Variants in EYS observed in about 807,000 individuals in gnomAD.
The protein encoded by EYS is protein eyes shut homolog.
A neutral mutation model predicts 282.1 loss-of-function variants in EYS; 250 were observed. The observed-to-expected ratio is 0.89, with a 90% CI of 0.80 to 0.98. The LOEUF is 0.98. Among genes scored for constraint, EYS ranks in the 50% least tolerant of loss-of-function variants. The pLI is 0.00. For missense variants in EYS, 4,016 were observed against 3,709.0 expected (o/e 1.08, Z -2.15); for synonymous variants, 1,355 against 1,282.9 (o/e 1.06, Z -1.20).
chr6:64,055,180 A>G (rs2149846759), intron 33 of EYS, among the ~76,000 whole-genome samples: 1 of 152,242 alleles, frequency 6.6e-6, no homozygotes, highest in African/African-American at 2.4e-5. Context: ...GCCCCAGAGG[A>G]TAGTGGATTA....
chr6:63,865,463 C>CT (rs5876871), intron 35 of EYS, among the ~76,000 whole-genome samples: 56,091 of 147,090 alleles, frequency 0.38, 10,870 homozygotes, highest in South Asian at 0.47. Context: ...TTAATCTTTT[C>CT]TTTTTTTTTT....
chr6:65,289,116 A>T (rs2150281555), intron 12 of EYS, among the ~76,000 whole-genome samples: 1 of 151,246 alleles, frequency 6.6e-6, no homozygotes, highest in South Asian at 2.1e-4. Flanking sequence ...GTCTCCAAAT[A>T]AAAGATAAAG....
rs1401253525 is a variant in EYS, at chr6:65,564,962, A to AGGATATGAACAGACACTTCT, written c.-332-68970_-332-68969insAGAAGTGTCTGTTCATATCC. Among the ~76,000 whole-genome samples, 250 of 61,688 alleles carry AGGATATGAACAGACACTTCT rather than the reference A, an allele frequency of 4.1e-3. 19 individuals are homozygous for AGGATATGAACAGACACTTCT. The highest frequency in any genetic ancestry group is 8.3e-3 in the Middle Eastern group (1 of 120). 40.5% of individuals were successfully genotyped at this position (61,688 alleles called of 152,430 possible). ...AACAACCCCATTAAAAAGTGGGTGA[A>AGGATATGAACAGACACTTCT]CGGCCGGGCGCGGTGGCTCACGCCT... is the stretch of plus-strand genomic sequence containing the variant. On this transcript the variant is annotated intron_variant, in intron 2 of 42. Coordinates refer to ENST00000503581, the MANE Select transcript of EYS (RefSeq NM_001142800.2).
intron 12 of EYS, among the ~76,000 whole-genome samples, chr6:65,262,378 T>C (rs1179841392): frequency 6.6e-6 from 1 of 152,094 alleles, no homozygotes; most frequent in Non-Finnish European, 1.5e-5. Flanking sequence ...AGAAATGTAT[T>C]ACTCAATATA....
At chr6:64,235,084 TTA>T (rs1408483463) in intron 30 of EYS, among the ~76,000 whole-genome samples, 1 of 134,176 alleles carries the variant, frequency 7.5e-6, no homozygotes, top group Non-Finnish European at 1.6e-5. Context: ...TTTTTTATTT[TTA>T]TTTTTTTTAA....
At chr6:65,490,942 A>G (rs1340296852) in intron 4 of EYS, among the ~76,000 whole-genome samples, 2 of 151,986 alleles carry the variant, frequency 1.3e-5, no homozygotes, top group African/African-American at 4.8e-5. Flanking sequence ...TCTGGCTTGT[A>G]GTATTTGAGC....
intron 33 of EYS, among the ~76,000 whole-genome samples, chr6:64,040,341 A>G (rs1169439597): frequency 1.3e-5 from 2 of 152,262 alleles, no homozygotes; most frequent in Non-Finnish European, 2.9e-5. Flanking sequence ...AAAATTACTT[A>G]AGTGTAATTT....
chr6:65,696,628 A>G (rs1582614455), intron 1 of EYS, among the ~76,000 whole-genome samples: 1 of 151,976 alleles, frequency 6.6e-6, no homozygotes, highest in Non-Finnish European at 1.5e-5. Context: ...CAAATTCTCA[A>G]TTATATAACA....
intron 2 of EYS, among the ~76,000 whole-genome samples, chr6:65,585,506 AATT>A (rs1358985028): frequency 2.6e-5 from 4 of 151,932 alleles, no homozygotes; most frequent in Admixed American, 6.6e-5. Context: ...AAATAAACTG[AATT>A]ATTATTCATG....
At position 64,176,499 on chromosome 6, in the gene EYS, TTGTGTG is replaced by T. The variant is rs111683045; in HGVS notation, c.6424+54087_6424+54092del. Among the ~76,000 whole-genome samples the T allele has an allele frequency of 9.5e-5, 14 of 147,148 alleles. No individual in the cohort carries two copies. In the South Asian group the frequency reaches 1.3e-3, roughly 14 times the overall value. ...CAGAATAAATTTTAACATATCACGA[TTGTGTG>T]TGTGTGTGTGTGTGTGTGTGTTTGT... On this transcript the variant is annotated intron_variant, in intron 31 of 42. Coordinates refer to ENST00000503581, the MANE Select transcript of EYS (RefSeq NM_001142800.2).
At chr6:65,139,057 A>G (rs767923931) in intron 12 of EYS, among the ~76,000 whole-genome samples, 1 of 152,016 alleles carries the variant, frequency 6.6e-6, no homozygotes, top group Non-Finnish European at 1.5e-5. Flanking sequence ...CAGAATTACC[A>G]TTTAACCCAG....
At chr6:63,763,866 C>G (rs1769711154) in intron 40 of EYS, among the ~76,000 whole-genome samples, 1 of 111,182 alleles carries the variant, frequency 9.0e-6, no homozygotes, top group Non-Finnish European at 1.8e-5. Flanking sequence ...ATTGTTATAT[C>G]TTGTTATATA....
At chr6:64,413,588 A>G (rs1032020845) in intron 28 of EYS, among the ~76,000 whole-genome samples, 2 of 151,754 alleles carry the variant, frequency 1.3e-5, no homozygotes, top group Non-Finnish European at 2.9e-5. Context: ...TCCCCTCCCA[A>G]AAAAAAACAG....
At position 63,956,092 on chromosome 6, in the gene EYS, C is replaced by T. The variant is rs368337923; in HGVS notation, c.7055+28291G>A. Reference sequence around the variant, plus strand: ...CCCATTATCTCTCCATACCACCCCCCACAATTTTCACTGCCCCAACACTTC... The same window carrying T: ...CCCATTATCTCTCCATACCACCCCCTACAATTTTCACTGCCCCAACACTTC... On this transcript the variant is annotated intron_variant, in intron 35 of 42. Transcript: ENST00000503581. 2.0e-4 allele frequency among the ~76,000 whole-genome samples: 22 copies of T among 112,436 alleles called. 1 individual carries two copies. In the East Asian group the frequency reaches 4.7e-3, roughly 24 times the overall value. The allele number at this position is 112,436 out of a possible 152,430, so 73.8% of individuals were successfully genotyped here. A position where few individuals can be genotyped will look rare whatever the true frequency, so the allele number is the denominator to read the frequency against.
rs184137398 is a variant in EYS at position 65,215,161 on chromosome 6, A to G, written c.2023+80702T>C. ...TAAGAAATACATTTTATAAGGCTAT[A>G]GATACCATAGATAGTGATTCCACTT... On this transcript the variant is annotated intron_variant, in intron 12 of 42. Transcript: ENST00000503581. Among the ~76,000 whole-genome samples, 45 of 152,292 alleles carry G rather than the reference A, an allele frequency of 3.0e-4. 1 individual carries two copies. The East Asian group carries it at 7.9e-3, about 27-fold the overall frequency.
At chr6:64,816,338 T>C (rs1339614115) in intron 21 of EYS, among the ~76,000 whole-genome samples, 1 of 152,150 alleles carries the variant, frequency 6.6e-6, no homozygotes, top group African/African-American at 2.4e-5. Flanking sequence ...TATGGGCTTT[T>C]ACTTTGCAAG....
chr6:64,291,171 A>G (rs1768694446), intron 30 of EYS, among the ~76,000 whole-genome samples: 5 of 151,868 alleles, frequency 3.3e-5, no homozygotes, highest in Admixed American at 3.3e-4. Context: ...GAAAATATAG[A>G]TGCCTGAGGG....
At chr6:64,622,541 A>G (rs1053317796) in intron 23 of EYS, among the ~76,000 whole-genome samples, 7 of 152,150 alleles carry the variant, frequency 4.6e-5, no homozygotes, top group Admixed American at 3.3e-4. Flanking sequence ...GGATTCACAC[A>G]GCTCTGTTTG....
chr6:63,914,761 G>A (rs1764377264), intron 35 of EYS, among the ~76,000 whole-genome samples: 1 of 151,128 alleles, frequency 6.6e-6, no homozygotes, highest in Non-Finnish European at 1.5e-5. Context: ...CTGATATGGA[G>A]CAAGTTTTAG....
Sources: gnomAD v4.1 joint callset for allele counts (sites outside exome capture counted in the v4.1 genomes callset) on GRCh38, gnomAD v4.1.1 for gene constraint, MANE v1.5 for transcripts, NCBI Gene and HGNC (gene_info 2026-07-23, HGNC 2026-07-21) for gene names.